SPX: variants seen among roughly 807,000 people sequenced by gnomAD.
The protein encoded by SPX is spexin hormone, also known as spexin.
A neutral mutation model predicts 19.2 loss-of-function variants in SPX; 22 were observed. The ratio of observed to expected loss-of-function variants is 1.15; its 90% CI spans 0.82 to 1.64. SPX has a LOEUF of 1.64. Ranked by LOEUF, SPX falls within the 40% of genes most tolerant of loss-of-function variation. SPX has a pLI of 0.00. For synonymous variants in SPX, 50 were observed against 53.3 expected (o/e 0.94, Z 0.27); for missense variants, 143 against 137.7 (o/e 1.04, Z -0.19).
Position 21,529,087 on chromosome 12 carries a change from A to C in SPX, c.292+3A>C. The C allele has an allele frequency of 6.2e-7, 1 of 1,612,432 alleles. No individual in the cohort carries two copies. Among genetic ancestry groups the C allele is most frequent in the Non-Finnish European group, 8.5e-7 (1 of 1,178,436 alleles). On this transcript the variant is annotated splice_donor_region_variant and intron_variant, in intron 5 of 5. Transcript: ENST00000256969. ...GTCCCTTCAGAAATCACCAGAAGGTACTAGCATAGTGGCCTCTTTCACCTG... is the reference window on the plus strand; with the variant it reads ...GTCCCTTCAGAAATCACCAGAAGGTCCTAGCATAGTGGCCTCTTTCACCTG...
Position 21,527,210 on chromosome 12 carries a change from C to A in SPX, c.145+18C>A. ...AGGGGCACGTAAGTTCCAAATATTTCGCTCTTCCTACAATAATGGAAGACC... is the reference window on the plus strand; with the variant it reads ...AGGGGCACGTAAGTTCCAAATATTTAGCTCTTCCTACAATAATGGAAGACC... On this transcript the variant is annotated intron_variant, in intron 3 of 5. Coordinates refer to ENST00000256969, the MANE Select transcript of SPX (RefSeq NM_030572.4). The A allele has an allele frequency of 6.2e-7, 1 of 1,608,732 alleles. No homozygotes were observed. Among genetic ancestry groups the A allele is most frequent in the South Asian group, 1.1e-5 (1 of 90,960 alleles).
At position 21,527,189 on chromosome 12, in the gene SPX, G is replaced by C; in HGVS notation, c.142G>C (p.Ala48Pro). 1.2e-6 allele frequency: 2 copies of C among 1,613,648 alleles called. No individual in the cohort carries two copies. Among genetic ancestry groups the C allele is most frequent in the Non-Finnish European group, 1.7e-6 (2 of 1,179,682 alleles). ...TPQAMLYLKG[A>P]QGRRFISDQS... ...TCAAGCTATGCTCTACCTGAAAGGG[G>C]CACGTAAGTTCCAAATATTTCGCTC... is the stretch of plus-strand genomic sequence containing the variant. The change falls in exon 3 of 6, where the codon GCA becomes CCA. Residue 48 changes from alanine (A) to proline (P), a missense_variant. Ala to Pro is a conservative substitution (Grantham distance 27). Coordinates refer to ENST00000256969, the MANE Select transcript of SPX (RefSeq NM_030572.4).
chr12:21,530,784 C>A (rs1943857554), intron 5 of SPX, among the ~76,000 whole-genome samples: 1 of 152,122 alleles, frequency 6.6e-6, no homozygotes, highest in African/African-American at 2.4e-5. Flanking sequence ...AAGAGACAGT[C>A]CTTTGATGCA....
Position 21,526,423 on chromosome 12 carries a change from A to T in SPX, c.-50A>T. ...TCCAATTTCAGAGCAAGAGTCGAAA[A>T]CTCACAGATAAAGTTATAGTTATTT... On this transcript the variant is annotated 5_prime_UTR_variant, in exon 1 of 6. Transcript: ENST00000256969. 6.4e-7 allele frequency: 1 copy of T among 1,552,400 alleles called. No homozygotes were observed. The highest frequency in any genetic ancestry group is 8.8e-7 in the Non-Finnish European group (1 of 1,140,128).
intron 4 of SPX, 109 bp downstream of exon 4, chr12:21,527,898 A>G: frequency 7.5e-7 from 1 of 1,330,106 alleles, no homozygotes; most frequent in Non-Finnish European, 1.0e-6. Flanking sequence ...CTCACCGGAA[A>G]GACGCGGCTC....
At chr12:21,527,346 G>A (rs1943823703) in intron 3 of SPX, 154 bp downstream of exon 3, 1 of 710,830 alleles carries the variant, frequency 1.4e-6, no homozygotes. Flanking sequence ...GGGAGGGGTG[G>A]GAGAGGGGAA....
chr12:21,527,796 G>A lies in SPX; in HGVS notation c.208+7G>A, dbSNP rs556075309. The A allele has an allele frequency of 1.5e-5, 24 of 1,570,122 alleles. No homozygotes were observed. In the East Asian group the frequency reaches 5.3e-4, roughly 35 times the overall value. ...TCCGACCGGCCACTGCCGGGTGAGTGACCAAGGGTGCAAGGGCGCTAGTCC... is the reference window on the plus strand; with the variant it reads ...TCCGACCGGCCACTGCCGGGTGAGTAACCAAGGGTGCAAGGGCGCTAGTCC... On this transcript the variant is annotated splice_region_variant and intron_variant, in intron 4 of 5. Transcript: ENST00000256969.
At chr12:21,527,259 T>C in intron 3 of SPX, 67 bp downstream of exon 3, 2 of 1,399,968 alleles carry the variant, frequency 1.4e-6, no homozygotes, top group Non-Finnish European at 2.0e-6. Flanking sequence ...AACAGATAGA[T>C]GGAGAGTTAT....
At position 21,531,117 on chromosome 12, in the gene SPX, A is replaced by C. The variant is rs1409007849; in HGVS notation, c.293-20A>C. The stretch of plus-strand genomic sequence containing the variant: ...AACGCAGAGTGTATATTTATTTTAA[A>C]GAATTTTTTTTTCTTACAGATGAAG... On this transcript the variant is annotated intron_variant, in intron 5 of 5. Coordinates refer to ENST00000256969, the MANE Select transcript of SPX (RefSeq NM_030572.4). The C allele has an allele frequency of 1.4e-6, 2 of 1,466,560 alleles. No homozygotes were observed. The highest frequency in any genetic ancestry group is 2.9e-5 in the African/African-American group (2 of 69,724). 90.8% of individuals were successfully genotyped at this position (1,466,560 alleles called of 1,614,324 possible). A position where few individuals can be genotyped will look rare whatever the true frequency, so the allele number is the denominator to read the frequency against.
intron 5 of SPX, 149 bp from the exon 6 acceptor site, chr12:21,530,988 A>G (rs1203771398): frequency 1.7e-6 from 1 of 586,378 alleles, no homozygotes; most frequent in Non-Finnish European, 3.0e-6. Context: ...ATCAAAGCCC[A>G]TATTGTTTAA....
At position 21,527,148 on chromosome 12, in the gene SPX, G is replaced by T; in HGVS notation, c.101G>T (p.Arg34Ile). 1.2e-6 allele frequency: 2 copies of T among 1,613,994 alleles called. No homozygotes were observed. Among genetic ancestry groups the T allele is most frequent in the Non-Finnish European group, 1.7e-6 (2 of 1,179,992 alleles). ...SSCAPQRLLE[R>I]RNWTPQAMLY... Reference sequence around the variant, plus strand: ...CCCGGGCTATAGAGACTGTTGGAGAGAAGGAACTGGACTCCTCAAGCTATG... The same window carrying T: ...CCCGGGCTATAGAGACTGTTGGAGATAAGGAACTGGACTCCTCAAGCTATG... The change falls in exon 3 of 6, where the codon AGA becomes ATA. Residue 34 changes from arginine (R) to isoleucine (I), a missense_variant. Coordinates refer to ENST00000256969, the MANE Select transcript of SPX (RefSeq NM_030572.4).
intron 3 of SPX, 49 bp from the exon 4 acceptor site, chr12:21,527,678 G>C (rs993627332): frequency 1.9e-6 from 3 of 1,541,048 alleles, no homozygotes; most frequent in Non-Finnish European, 2.6e-6. Context: ...TTTAAGCCCG[G>C]GTTGTCCCGG....
At chr12:21,527,482 C>G in intron 3 of SPX, 1 of 600,326 alleles carries the variant, frequency 1.7e-6, no homozygotes. Flanking sequence ...ACCCGACCTC[C>G]GCTCCAAAGC....
At position 21,532,068 on chromosome 12, in the gene SPX, T is replaced by C. The variant is rs1172126403; in HGVS notation, c.*873T>C. 2.6e-5 allele frequency: 4 copies of C among 152,204 alleles called. No individual in the cohort carries two copies. Among genetic ancestry groups the C allele is most frequent in the African/African-American group, 7.2e-5 (3 of 41,460 alleles). The allele number at this position is 152,204 out of a possible 1,614,324, so 9.4% of individuals were successfully genotyped here. ...CATTACATAAATCACTCTGATAACA[T>C]AAGTGCACAGTAATATGCCTGATCT... On this transcript the variant is annotated 3_prime_UTR_variant, in exon 6 of 6. Transcript: ENST00000256969.
intron 4 of SPX, chr12:21,528,079 T>C (rs1159920990): frequency 7.4e-6 from 3 of 407,792 alleles, no homozygotes; most frequent in African/African-American, 2.1e-5. Flanking sequence ...TTGCGGCTGT[T>C]CAGCCAGCCC....
chr12:21,526,628 C>A, intron 1 of SPX, 150 bp downstream of exon 1: 1 of 856,016 alleles, frequency 1.2e-6, no homozygotes, highest in Non-Finnish European at 1.8e-6. Context: ...TTTGATTTTA[C>A]TAAGAAAAAA....
chr12:21,531,526 G>GTTTTTT lies in SPX; in HGVS notation c.*335_*340dup. Reference sequence around the variant, plus strand: ...CAGTACCTGTCTTGATCTTAGTTGTGTTTTTTTTTCATTTTGTTACCCACT... The same window carrying GTTTTTT: ...CAGTACCTGTCTTGATCTTAGTTGTGTTTTTTTTTTTTTTTCATTTTGTTACCCACT... On this transcript the variant is annotated 3_prime_UTR_variant, in exon 6 of 6. Coordinates refer to ENST00000256969, the MANE Select transcript of SPX (RefSeq NM_030572.4). The GTTTTTT allele has an allele frequency of 1.3e-5, 2 of 157,800 alleles. No homozygotes were observed. The highest frequency in any genetic ancestry group is 2.7e-5 in the Non-Finnish European group (2 of 73,160). 9.8% of individuals were successfully genotyped at this position (157,800 alleles called of 1,614,324 possible). A position where few individuals can be genotyped will look rare whatever the true frequency, so the allele number is the denominator to read the frequency against.
intron 5 of SPX, among the ~76,000 whole-genome samples, chr12:21,529,421 C>T (rs1320397050): frequency 6.6e-6 from 1 of 151,724 alleles, no homozygotes; most frequent in Non-Finnish European, 1.5e-5. Flanking sequence ...GGAAATAGTA[C>T]CAGTGAAGGG....
At chr12:21,527,315 A>C in intron 3 of SPX, 123 bp downstream of exon 3, 1 of 975,978 alleles carries the variant, frequency 1.0e-6, no homozygotes, top group Non-Finnish European at 1.6e-6. Context: ...CATCGAGGCC[A>C]TCAAAGAGAC....
Sources: gnomAD v4.1 joint callset for allele counts (sites outside exome capture counted in the v4.1 genomes callset) on GRCh38, gnomAD v4.1.1 for gene constraint, MANE v1.5 for transcripts, NCBI Gene and HGNC (gene_info 2026-07-23, HGNC 2026-07-21) for gene names.